CNTNAP5: variants seen among roughly 807,000 people sequenced by gnomAD.
CNTNAP5 encodes contactin associated protein family member 5, also known as contactin-associated protein-like 5.
CNTNAP5 carries 72 observed loss-of-function variants against 150.2 expected under a neutral mutation model. The ratio of observed to expected loss-of-function variants is 0.48; its 90% CI spans 0.40 to 0.58. The LOEUF (loss-of-function observed/expected upper bound fraction) is 0.58, where lower values mean the gene tolerates loss of function less well. Ranked by LOEUF, CNTNAP5 falls within the 20% of genes least tolerant of loss-of-function variation. The probability of loss-of-function intolerance (pLI) is 0.00; values close to 1 mark genes in which losing one functional copy is unlikely to be tolerated. For missense variants in CNTNAP5, 1,636 were observed against 1,626.2 expected, an observed-to-expected ratio of 1.01 and a Z score of -0.10; for synonymous variants, 672 against 619.8, an observed-to-expected ratio of 1.08 and a Z score of -1.25.
intron 11 of CNTNAP5, among the ~76,000 whole-genome samples, chr2:124,585,773 T>A (rs1696518132): frequency 6.6e-6 from 1 of 151,750 alleles, no homozygotes; most frequent in Non-Finnish European, 1.5e-5. Flanking sequence ...GCAGATCTTT[T>A]AGTACCCTTC....
chr2:124,242,230 A>G lies in CNTNAP5; in HGVS notation c.218A>G (p.Asn73Ser), dbSNP rs752321298. The G allele has an allele frequency of 1.8e-5, 28 of 1,598,190 alleles. No individual in the cohort carries two copies. The highest frequency in any genetic ancestry group is 6.9e-5 in the Admixed American group (4 of 57,820). Residue 73 changes from asparagine to serine, a missense_variant, in exon 3 of 24, where the codon AAT (asparagine) becomes AGT (serine). Transcript: ENST00000682447. ...GGCGGTTGGTCCCCAGCAGATTCCA[A>G]TGCTCAACAGTGGCTCCAGATGGAC... ...GTGGWSPADSNAQQWLQMDLG... is the reference protein window; with the variant it reads ...GTGGWSPADSSAQQWLQMDLG...
At chr2:124,597,190 G>A (rs914559324) in intron 11 of CNTNAP5, among the ~76,000 whole-genome samples, 6 of 147,958 alleles carry the variant, frequency 4.1e-5, no homozygotes, top group African/African-American at 1.5e-4. Flanking sequence ...TCATTATGAT[G>A]TTAGCTGGTG....
intron 19 of CNTNAP5, among the ~76,000 whole-genome samples, chr2:124,808,827 A>G (rs1682138911): frequency 6.6e-6 from 1 of 152,050 alleles, no homozygotes. Context: ...CTTATTCTTT[A>G]GCATATAGAA....
At position 124,154,486 on chromosome 2, in the gene CNTNAP5, C is replaced by T. The variant is rs945784181; in HGVS notation, c.83-67219C>T. On this transcript the variant is annotated intron_variant, in intron 1 of 23. Coordinates refer to ENST00000682447, the MANE Select transcript of CNTNAP5 (RefSeq NM_001367498.1). ...CCTCACAATTACACCTCCCCTCCCC[C>T]GAGGTGCAGAAGTTCACATTGTTCT... Among the ~76,000 whole-genome samples the T allele has an allele frequency of 1.1e-4, 16 of 152,184 alleles. No homozygotes were observed. In the East Asian group the frequency reaches 2.3e-3, roughly 22 times the overall value.
chr2:124,836,950 G>A (rs1215461767), intron 19 of CNTNAP5, among the ~76,000 whole-genome samples: 1 of 152,196 alleles, frequency 6.6e-6, no homozygotes, highest in African/African-American at 2.4e-5. Context: ...AAGGTCTTAA[G>A]TTTATGCCTC....
intron 13 of CNTNAP5, among the ~76,000 whole-genome samples, chr2:124,706,910 G>GAAGAGAAAGAAGA (rs1679670007): frequency 6.1e-5 from 1 of 16,498 alleles, no homozygotes; most frequent in African/African-American, 2.3e-4. Context: ...GAAGGAGGAG[G>GAAGAGAAAGAAGA]AGGAGGAGAA....
intron 11 of CNTNAP5, among the ~76,000 whole-genome samples, chr2:124,607,145 C>T (rs1056866546): frequency 6.6e-6 from 1 of 152,262 alleles, no homozygotes; most frequent in Non-Finnish European, 1.5e-5. Flanking sequence ...ATGAAGGATT[C>T]TAAAACAACA....
At chr2:124,828,311 C>G (rs967069617) in intron 19 of CNTNAP5, among the ~76,000 whole-genome samples, 1 of 151,958 alleles carries the variant, frequency 6.6e-6, no homozygotes, top group Non-Finnish European at 1.5e-5. Context: ...GAAATCTCAT[C>G]TCTACTAAAT....
intron 17 of CNTNAP5, among the ~76,000 whole-genome samples, chr2:124,785,373 A>G (rs1016586963): frequency 3.3e-5 from 5 of 152,216 alleles, no homozygotes; most frequent in African/African-American, 7.2e-5. Context: ...TGATTTTTCA[A>G]TGAGGAACTA....
chr2:124,554,148 A>T (rs1366979822), intron 10 of CNTNAP5, among the ~76,000 whole-genome samples: 1 of 152,106 alleles, frequency 6.6e-6, no homozygotes, highest in Non-Finnish European at 1.5e-5. Context: ...TAAATCTAGC[A>T]GGTCTTAGCT....
At chr2:124,631,222 T>A (rs571401265) in intron 12 of CNTNAP5, among the ~76,000 whole-genome samples, 32 of 152,106 alleles carry the variant, frequency 2.1e-4, no homozygotes, top group Non-Finnish European at 3.4e-4. Context: ...TACAAATAAC[T>A]ATTTTAAATT....
intron 3 of CNTNAP5, among the ~76,000 whole-genome samples, chr2:124,359,494 G>A (rs1341439331): frequency 1.3e-5 from 2 of 151,200 alleles, no homozygotes; most frequent in East Asian, 1.9e-4. Flanking sequence ...CAGAGATTCT[G>A]GTATGTTGTG....
intron 1 of CNTNAP5, among the ~76,000 whole-genome samples, chr2:124,146,813 A>C (rs1010744390): frequency 6.6e-6 from 1 of 152,186 alleles, no homozygotes; most frequent in African/African-American, 2.4e-5. Flanking sequence ...AGACATTTTA[A>C]GTTTTATTTG....
At chr2:124,459,762 A>C (rs1371663011) in intron 6 of CNTNAP5, among the ~76,000 whole-genome samples, 1 of 149,472 alleles carries the variant, frequency 6.7e-6, no homozygotes, top group African/African-American at 2.4e-5. Context: ...CCTCTGTAAA[A>C]AAAAAAAAAA....
intron 14 of CNTNAP5, among the ~76,000 whole-genome samples, chr2:124,755,809 G>T (rs1235308745): frequency 6.6e-6 from 1 of 152,086 alleles, no homozygotes; most frequent in African/African-American, 2.4e-5. Flanking sequence ...ACACCCAATT[G>T]TAGCTATTTT....
intron 1 of CNTNAP5, among the ~76,000 whole-genome samples, chr2:124,128,609 C>A (rs1337716088): frequency 6.6e-6 from 1 of 152,142 alleles, no homozygotes; most frequent in Admixed American, 6.5e-5. Flanking sequence ...GACACATGCA[C>A]ACGTATGTTT....
At chr2:124,492,582 G>A (rs550136325) in intron 7 of CNTNAP5, among the ~76,000 whole-genome samples, 5 of 152,226 alleles carry the variant, frequency 3.3e-5, no homozygotes, top group East Asian at 1.9e-4. Context: ...TCATACAAAT[G>A]TAAGGATTTT....
intron 1 of CNTNAP5, among the ~76,000 whole-genome samples, chr2:124,189,460 T>C (rs891101576): frequency 6.6e-6 from 1 of 152,094 alleles, no homozygotes; most frequent in Non-Finnish European, 1.5e-5. Flanking sequence ...CCTGGAGAGG[T>C]TCCAGACTAC....
At chr2:124,215,257 G>A (rs909312542) in intron 1 of CNTNAP5, among the ~76,000 whole-genome samples, 15 of 152,092 alleles carry the variant, frequency 9.9e-5, no homozygotes, top group Admixed American at 1.3e-4. Flanking sequence ...ACAATTTACC[G>A]TGGTAATCAA....
Sources: gnomAD v4.1 joint callset for allele counts (sites outside exome capture counted in the v4.1 genomes callset) on GRCh38, gnomAD v4.1.1 for gene constraint, MANE v1.5 for transcripts, NCBI Gene and HGNC (gene_info 2026-07-23, HGNC 2026-07-21) for gene names.